Variants in RBFOX1 observed in about 807,000 individuals in gnomAD.
RBFOX1 encodes RNA binding protein fox-1 homolog 1.
In RBFOX1, 8 loss-of-function variants were observed where a neutral mutation model predicts 57.7. The ratio of observed to expected loss-of-function variants is 0.14; its 90% CI spans 0.08 to 0.25. The LOEUF (loss-of-function observed/expected upper bound fraction) is 0.25, where lower values mean the gene tolerates loss of function less well. Among genes scored for constraint, RBFOX1 ranks in the 10% least tolerant of loss-of-function variants. RBFOX1 has a pLI of 1.00. For synonymous variants in RBFOX1, 326 were observed against 222.4 expected (o/e 1.47, Z -4.15); for missense variants, 611 against 548.5 (o/e 1.11, Z -1.14).
At chr16:6,486,910 A>G (rs1272518795) in intron 2 of RBFOX1, among the ~76,000 whole-genome samples, 1 of 152,208 alleles carries the variant, frequency 6.6e-6, no homozygotes, top group Non-Finnish European at 1.5e-5. Context: ...TAATCAGAAT[A>G]GCAGTCTCAA....
intron 4 of RBFOX1, among the ~76,000 whole-genome samples, chr16:7,128,217 T>C (rs2069133915): frequency 6.6e-6 from 1 of 152,256 alleles, no homozygotes; most frequent in Admixed American, 6.5e-5. Flanking sequence ...TAGCATGTAT[T>C]AAGTGCCAGA....
At chr16:7,283,715 C>G (rs140985276) in intron 4 of RBFOX1, among the ~76,000 whole-genome samples, 90 of 152,246 alleles carry the variant, frequency 5.9e-4, no homozygotes, top group African/African-American at 2.2e-3. Context: ...CAGAGCTTGC[C>G]AGAAGTGAGA....
intron 3 of RBFOX1, among the ~76,000 whole-genome samples, chr16:7,024,404 G>A (rs1280391378): frequency 6.6e-6 from 1 of 152,062 alleles, no homozygotes; most frequent in Non-Finnish European, 1.5e-5. Context: ...AGCAGTTTTA[G>A]CAATTATTTT....
chr16:5,925,769 G>C (rs1315194080), intron 4 of RBFOX1, among the ~76,000 whole-genome samples: 1 of 152,074 alleles, frequency 6.6e-6, no homozygotes, highest in Non-Finnish European at 1.5e-5. Context: ...CAGTCTCTCA[G>C]GTCTCTTCCA....
At chr16:7,445,929 G>A (rs11646388) in intron 4 of RBFOX1, among the ~76,000 whole-genome samples, 29,872 of 152,052 alleles carry the variant, frequency 0.2, 4,108 homozygotes, top group African/African-American at 0.37. Context: ...GTGAAGCTTC[G>A]CTTTCCCTCC....
intron 14 of RBFOX1, among the ~76,000 whole-genome samples, chr16:7,680,976 G>A (rs1380038073): frequency 6.6e-6 from 1 of 152,128 alleles, no homozygotes; most frequent in East Asian, 1.9e-4. Flanking sequence ...AAAGCTTAAT[G>A]CAAAGAGACC....
At chr16:6,293,896 G>T (rs1478595923) in intron 1 of RBFOX1, among the ~76,000 whole-genome samples, 2 of 706 alleles carry the variant, frequency 2.8e-3, no homozygotes, top group Non-Finnish European at 0.018. Context: ...CAGGGTGAGC[G>T]GGGGGGTGGT....
At chr16:5,484,579 G>T (rs1013751270) in intron 2 of RBFOX1, among the ~76,000 whole-genome samples, 1 of 152,046 alleles carries the variant, frequency 6.6e-6, no homozygotes, top group African/African-American at 2.4e-5. Flanking sequence ...GGGCTTCAAG[G>T]CCAGCCTAGG....
chr16:5,356,947 C>G (rs1045382469), intron 1 of RBFOX1, among the ~76,000 whole-genome samples: 2 of 152,184 alleles, frequency 1.3e-5, no homozygotes, highest in African/African-American at 4.8e-5. Flanking sequence ...TACATCGTTT[C>G]GTTGAAGCCT....
At chr16:5,550,526 A>G (rs2045419762) in intron 2 of RBFOX1, among the ~76,000 whole-genome samples, 1 of 152,170 alleles carries the variant, frequency 6.6e-6, no homozygotes, top group African/African-American at 2.4e-5. Context: ...TTGTACAGAA[A>G]CAGATGCCCA....
chr16:6,946,915 C>T (rs1281227815), intron 3 of RBFOX1, among the ~76,000 whole-genome samples: 2 of 152,110 alleles, frequency 1.3e-5, no homozygotes, highest in African/African-American at 2.4e-5. Flanking sequence ...AGCCCAGAAA[C>T]CTTTCAAACG....
chr16:7,692,110 C>A (rs948781523), intron 14 of RBFOX1, among the ~76,000 whole-genome samples: 2 of 151,992 alleles, frequency 1.3e-5, no homozygotes, highest in African/African-American at 2.4e-5. Flanking sequence ...GATATTCATG[C>A]GGCTCAAAAA....
At chr16:6,812,133 A>G (rs1256542282) in intron 3 of RBFOX1, among the ~76,000 whole-genome samples, 2 of 152,096 alleles carry the variant, frequency 1.3e-5, no homozygotes, top group Admixed American at 1.3e-4. Flanking sequence ...CCAAAGCAAA[A>G]TCGTTTTAAA....
At chr16:6,078,125 G>C (rs139583455) in intron 1 of RBFOX1, among the ~76,000 whole-genome samples, 6 of 152,268 alleles carry the variant, frequency 3.9e-5, no homozygotes, top group African/African-American at 1.4e-4. Flanking sequence ...AAGAGTTGCT[G>C]TGTCCTTTCT....
chr16:7,286,089 A>C (rs2095645657), intron 4 of RBFOX1, among the ~76,000 whole-genome samples: 1 of 152,184 alleles, frequency 6.6e-6, no homozygotes, highest in Admixed American at 6.5e-5. Flanking sequence ...CCACTCTATA[A>C]ATATTTATAG....
At chr16:7,453,815 C>G (rs1397790274) in intron 4 of RBFOX1, among the ~76,000 whole-genome samples, 1 of 152,152 alleles carries the variant, frequency 6.6e-6, no homozygotes, top group Non-Finnish European at 1.5e-5. Context: ...GGAGGAGCAC[C>G]TTCAGCCTTA....
chr16:7,504,392 G>C (rs1217138009), intron 4 of RBFOX1, among the ~76,000 whole-genome samples: 1 of 151,662 alleles, frequency 6.6e-6, no homozygotes, highest in African/African-American at 2.4e-5. Context: ...TGGATCTTAG[G>C]GTGGCAGGAA....
rs2084015513 is a variant in RBFOX1 at position 7,711,627 on chromosome 16, T to A, written c.*882T>A. The A allele has an allele frequency of 6.6e-6, 1 of 152,446 alleles. No individual in the cohort carries two copies. The highest frequency in any genetic ancestry group is 1.5e-5 in the Non-Finnish European group (1 of 67,980). 9.4% of individuals were successfully genotyped at this position (152,446 alleles called of 1,614,324 possible). On this transcript the variant is annotated 3_prime_UTR_variant, in exon 16 of 16. Transcript: ENST00000550418. ...TTTCTTTTTTTCCAAAAAAAGAAAGTAATAAAAACTTAAATTCTTTGTACC... is the reference window on the plus strand; with the variant it reads ...TTTCTTTTTTTCCAAAAAAAGAAAGAAATAAAAACTTAAATTCTTTGTACC...
chr16:7,067,795 T>A (rs1598595281), intron 4 of RBFOX1, among the ~76,000 whole-genome samples: 1 of 151,216 alleles, frequency 6.6e-6, no homozygotes, highest in Non-Finnish European at 1.5e-5. Context: ...GTTTGATTTT[T>A]TGTCCTTGCG....
Sources: gnomAD v4.1 joint callset for allele counts (sites outside exome capture counted in the v4.1 genomes callset) on GRCh38, gnomAD v4.1.1 for gene constraint, MANE v1.5 for transcripts, NCBI Gene and HGNC (gene_info 2026-07-23, HGNC 2026-07-21) for gene names.